The following C3 variants were observed in gnomAD, a reference collection of about 807,000 sequenced individuals.
The protein encoded by C3 is complement C3, also known as C3 and PZP-like alpha-2-macroglobulin domain-containing protein 1.
A neutral mutation model predicts 207.9 loss-of-function variants in C3; 97 were observed. The observed-to-expected ratio is 0.47, with a 90% CI of 0.40 to 0.55. The LOEUF (loss-of-function observed/expected upper bound fraction) is 0.55. Ranked by LOEUF, C3 falls within the 20% of genes least tolerant of loss-of-function variation. C3 has a pLI of 0.00. For missense variants in C3, 1,684 were observed against 2,171.7 expected (o/e 0.78, Z 4.46); for synonymous variants, 848 against 857.6 (o/e 0.99, Z 0.20).
chr19:6,707,320 G>A (rs369192427), intron 16 of C3, 47 bp from the exon 17 acceptor site: 440 of 1,600,912 alleles, frequency 2.7e-4, no homozygotes, highest in Non-Finnish European at 3.4e-4. Context: ...GCCGGGGGCC[G>A]GCAGCAGGAG....
At position 6,692,999 on chromosome 19, in the gene C3, T is replaced by C. The variant is rs757455770; in HGVS notation, c.3315A>G (p.Lys1105=). The part of the protein sequence containing the change: ...IDSQVLCGAV[K]WLILEKQKPD... ...GCTTCTGCTTCTCCAGGATCAGCCA[T>C]TTAACAGCCCCGCAGAGGACTTGGG... is the stretch of plus-strand genomic sequence containing the variant. Residue 1105 remains lysine, a synonymous_variant, in exon 26 of 41, where the codon AAA becomes AAG. Coordinates refer to ENST00000245907, the MANE Select transcript of C3 (RefSeq NM_000064.4). 7.4e-6 allele frequency: 12 copies of C among 1,614,172 alleles called. No individual in the cohort carries two copies. In the South Asian group the frequency reaches 1.2e-4, roughly 16 times the overall value.
At chr19:6,707,360 C>T (rs529909607) in intron 16 of C3, 87 bp from the exon 17 acceptor site, 2 of 1,596,942 alleles carry the variant, frequency 1.3e-6, no homozygotes, top group Admixed American at 3.3e-5. Context: ...GGGAGGACTT[C>T]CCCGCCGCCA....
At position 6,706,732 on chromosome 19, in the gene C3, TCAGA is replaced by T. The variant is rs368576215; in HGVS notation, c.2245+340_2245+343del. Among the ~76,000 whole-genome samples, 320 of 72,838 alleles carry T rather than the reference TCAGA, an allele frequency of 4.4e-3. 5 individuals carry two copies. Among genetic ancestry groups the T allele is most frequent in the African/African-American group, 0.017 (304 of 18,310 alleles). The allele number at this position is 72,838 out of a possible 152,430, so 47.8% of individuals were successfully genotyped here. ...CCTCAGACAGGGGCATCCTCCCCCC[TCAGA>T]CAGAGGCCTCCTCCCCCCTCAGACA... On this transcript the variant is annotated intron_variant, in intron 17 of 40. Transcript: ENST00000245907.
chr19:6,686,493 CG>C (rs1288982918), intron 28 of C3: 18 of 708,628 alleles, frequency 2.5e-5, no homozygotes, highest in Non-Finnish European at 4.5e-5. Context: ...ATGCTTAATA[CG>C]CATTTGTTGA....
chr19:6,720,618 A>G lies in C3; in HGVS notation c.-29T>C. On this transcript the variant is annotated 5_prime_UTR_variant, in exon 1 of 41. Transcript: ENST00000245907. ...GCTGGGACAGTGCAGGGTCAGAGGG[A>G]CAGAGGGACAGAGGGAGAGGATGGG... is the stretch of plus-strand genomic sequence containing the variant. The G allele has an allele frequency of 6.7e-7, 1 of 1,501,104 alleles. No homozygotes were observed. The allele number at this position is 1,501,104 out of a possible 1,614,324, so 93.0% of individuals were successfully genotyped here. A position where few individuals can be genotyped will look rare whatever the true frequency, so the allele number is the denominator to read the frequency against.
At chr19:6,680,051 C>T (rs546623622) in intron 36 of C3, 107 bp downstream of exon 36, 52 of 762,318 alleles carry the variant, frequency 6.8e-5, no homozygotes, top group Middle Eastern at 3.5e-4. Flanking sequence ...ATGCTCAAAT[C>T]CCTGGACTCC....
intron 27 of C3, among the ~76,000 whole-genome samples, chr19:6,689,374 T>TCTC (rs1555684231): frequency 1.7e-5 from 2 of 116,310 alleles, no homozygotes; most frequent in African/African-American, 8.2e-5. Flanking sequence ...TCTCTCTCTC[T>TCTC]CTCTCTCTCT....
Position 6,707,869 on chromosome 19 carries a change from C to A in C3, c.1906G>T (p.Ala636Ser), listed in dbSNP as rs145886287. 35 of 1,614,022 alleles carry A rather than the reference C, an allele frequency of 2.2e-5. No homozygotes were observed. The East Asian group carries it at 7.8e-4, about 36-fold the overall frequency. Residue 636 changes from alanine (A) to serine (S), a missense_variant, in exon 15 of 41, where the codon GCC (alanine) becomes TCC (serine). Transcript: ENST00000245907. The part of the protein sequence containing the change: ...GCTPGSGKDY[A>S]GVFSDAGLTF... Reference sequence around the variant, plus strand: ...AGCCCTGCGTCGGAGAAGACACCGGCGTAATCCTTCCCACTGCCCGGGGTG... The same window carrying A: ...AGCCCTGCGTCGGAGAAGACACCGGAGTAATCCTTCCCACTGCCCGGGGTG...
At chr19:6,714,587 C>G in intron 4 of C3, 141 bp from the exon 5 acceptor site, 1 of 707,836 alleles carries the variant, frequency 1.4e-6, no homozygotes, top group Non-Finnish European at 2.6e-6. Flanking sequence ...CCCAGGTGGG[C>G]GCAGCGGCTC....
At chr19:6,710,930 G>A in intron 12 of C3, 57 bp downstream of exon 12, 1 of 1,603,680 alleles carries the variant, frequency 6.2e-7, no homozygotes, top group South Asian at 1.1e-5. Flanking sequence ...AGGAGTCCCA[G>A]GGGTGCGGAA....
At chr19:6,707,430 G>A (rs991396398) in intron 16 of C3, 36 bp downstream of exon 16, 1 of 1,611,316 alleles carries the variant, frequency 6.2e-7, no homozygotes, top group Non-Finnish European at 8.5e-7. Flanking sequence ...CCTGGGGTGG[G>A]GCTCGGGGGC....
rs547369459 is a variant in C3, at chr19:6,715,648, G to A, written c.505-1202C>T. Among the ~76,000 whole-genome samples the A allele has an allele frequency of 2.3e-3, 339 of 147,566 alleles. 1 individual carries two copies. Among genetic ancestry groups the A allele is most frequent in the African/African-American group, 8.1e-3 (325 of 40,340 alleles). The stretch of plus-strand genomic sequence containing the variant: ...TTTTTGTTTTTTTTTTTGAGACGGA[G>A]TCTTGCTCTGTCGCCCAGGCTGGAG... On this transcript the variant is annotated intron_variant, in intron 4 of 40. Transcript: ENST00000245907.
intron 19 of C3, among the ~76,000 whole-genome samples, chr19:6,699,407 A>T (rs2145413684): frequency 6.6e-6 from 1 of 152,218 alleles, no homozygotes; most frequent in Middle Eastern, 3.4e-3. Context: ...AAATTTTATG[A>T]AACCTAAAAT....
intron 4 of C3, chr19:6,717,704 GGTTGTGTATGTTGTGTATTGT>G: frequency 5.3e-6 from 2 of 375,100 alleles, no homozygotes; most frequent in Non-Finnish European, 1.0e-5. Flanking sequence ...TGTATTGCGT[GGTTGTGTATGTTGTGTATTGT>G]GTTGTGTGTG....
intron 9 of C3, among the ~76,000 whole-genome samples, 138 bp downstream of exon 9, chr19:6,713,032 CGGCCTCCCCTCTCAGACTG>C (rs888346247): frequency 3.3e-5 from 5 of 152,124 alleles, no homozygotes; most frequent in African/African-American, 1.2e-4. Flanking sequence ...TCTTCATACT[CGGCCTCCCCTCTCAGACTG>C]GGCCTACCCC....
In C3 at chr19:6,718,075, G is replaced by A. The variant is rs1158398012; in HGVS notation, c.504+19C>T. On this transcript the variant is annotated intron_variant, in intron 4 of 40. Coordinates refer to ENST00000245907, the MANE Select transcript of C3 (RefSeq NM_000064.4). ...AAGCCTGTGCCCCTGCTTCCCCTGGGGCCCCCTCTGGCTGGCACCTCAATG... is the reference window on the plus strand; with the variant it reads ...AAGCCTGTGCCCCTGCTTCCCCTGGAGCCCCCTCTGGCTGGCACCTCAATG... 3 of 1,613,430 alleles carry A rather than the reference G, an allele frequency of 1.9e-6. No individual in the cohort carries two copies. The highest frequency in any genetic ancestry group is 2.5e-6 in the Non-Finnish European group (3 of 1,179,442).
chr19:6,699,386 TTTTC>T, intron 19 of C3, among the ~76,000 whole-genome samples: 1 of 151,982 alleles, frequency 6.6e-6, no homozygotes, highest in African/African-American at 2.4e-5. Flanking sequence ...AGAATCTACC[TTTTC>T]AACTGTAAAT....
chr19:6,699,380 T>C (rs1323117025), intron 19 of C3, among the ~76,000 whole-genome samples: 1 of 151,922 alleles, frequency 6.6e-6, no homozygotes, highest in Non-Finnish European at 1.5e-5. Context: ...GGCCTGAGAA[T>C]CTACCTTTTC....
At chr19:6,693,214 AC>A in intron 25 of C3, 131 bp from the exon 26 acceptor site, 1 of 1,204,282 alleles carries the variant, frequency 8.3e-7, no homozygotes, top group Non-Finnish European at 1.2e-6. Context: ...AGGCCCCAGG[AC>A]CCAGCTGTTG....
Sources: allele counts gnomAD v4.1 joint callset (sites outside exome capture counted in the v4.1 genomes callset), GRCh38; gene constraint gnomAD v4.1.1; transcripts MANE v1.5; gene names NCBI Gene and HGNC (gene_info 2026-07-23, HGNC 2026-07-21).